Variants in SH3KBP1 observed in about 807,000 individuals in gnomAD.
SH3KBP1 encodes the protein SH3 domain-containing kinase-binding protein 1.
SH3KBP1 carries 8 observed loss-of-function variants against 50.1 expected under a neutral mutation model. The ratio of observed to expected loss-of-function variants is 0.16; its 90% confidence interval spans 0.09 to 0.29. The LOEUF is 0.29. SH3KBP1 is among the 10% of genes least tolerant of loss of function. SH3KBP1 has a pLI of 1.00. For synonymous variants in SH3KBP1, 227 were observed against 218.6 expected, an observed-to-expected ratio of 1.04 and a Z score of -0.34; for missense variants, 377 against 535.2, an observed-to-expected ratio of 0.70 and a Z score of 2.92.
chrX:19,629,235 T>G (rs962599680), intron 8 of SH3KBP1, among the ~76,000 whole-genome samples: 7 of 107,907 alleles, frequency 6.5e-5, no homozygotes, highest in Non-Finnish European at 1.2e-4. Flanking sequence ...ATACGGGGGG[T>G]ACCTGCAGAA....
chrX:19,729,652 G>A (rs1304706242), intron 3 of SH3KBP1, among the ~76,000 whole-genome samples: 2 of 111,695 alleles, frequency 1.8e-5, no homozygotes, highest in South Asian at 7.5e-4. Flanking sequence ...AAGAGCTAAT[G>A]ACACACACTT....
At chrX:19,859,217 C>T (rs903105242) in intron 1 of SH3KBP1, among the ~76,000 whole-genome samples, 2 of 110,050 alleles carry the variant, frequency 1.8e-5, no homozygotes, top group Non-Finnish European at 3.8e-5. Context: ...GGTGCAATCT[C>T]GGCTCACTGC....
intron 3 of SH3KBP1, among the ~76,000 whole-genome samples, chrX:19,721,863 A>G (rs1014104477): frequency 4.5e-5 from 5 of 110,773 alleles, no homozygotes; most frequent in African/African-American, 1.6e-4. Flanking sequence ...TTAACAGAGC[A>G]TGGTGATGTG....
At chrX:19,658,322 C>T (rs1191515508) in intron 6 of SH3KBP1, among the ~76,000 whole-genome samples, 1 of 111,614 alleles carries the variant, frequency 9.0e-6, no homozygotes, top group Non-Finnish European at 1.9e-5. Context: ...TGAAACACTC[C>T]TTCTACGGCT....
intron 2 of SH3KBP1, among the ~76,000 whole-genome samples, chrX:19,782,370 A>C (rs759025531): frequency 7.3e-4 from 81 of 111,229 alleles, no homozygotes; most frequent in Admixed American, 2.9e-3. Flanking sequence ...AGAGAGAATA[A>C]ATTTCTGTTG....
At chrX:19,880,364 C>CATAT (rs1272005880) in intron 1 of SH3KBP1, among the ~76,000 whole-genome samples, 1 of 112,373 alleles carries the variant, frequency 8.9e-6, no homozygotes, top group Non-Finnish European at 1.9e-5. Flanking sequence ...CATTCATTAA[C>CATAT]ATATGGCACT....
At chrX:19,872,270 AAAAGAAAG>A (rs748207841) in intron 1 of SH3KBP1, among the ~76,000 whole-genome samples, 29 of 83,729 alleles carry the variant, frequency 3.5e-4, no homozygotes, top group African/African-American at 1.3e-3. Context: ...AAAAAAAAAA[AAAAGAAAG>A]AAAGAAAGAA....
intron 14 of SH3KBP1, among the ~76,000 whole-genome samples, chrX:19,547,454 G>A (rs946241823): frequency 4.5e-4 from 50 of 111,842 alleles, no homozygotes; most frequent in African/African-American, 1.6e-3. Flanking sequence ...ACTTAAGGCA[G>A]AAACCTAATG....
intron 3 of SH3KBP1, among the ~76,000 whole-genome samples, chrX:19,718,574 T>C (rs1179627882): frequency 8.9e-6 from 1 of 112,462 alleles, no homozygotes; most frequent in Non-Finnish European, 1.9e-5. Context: ...TTTAAAAACA[T>C]CACAGTCACC....
intron 3 of SH3KBP1, among the ~76,000 whole-genome samples, chrX:19,709,296 C>T (rs771695381): frequency 2.0e-4 from 22 of 111,832 alleles, no homozygotes; most frequent in Non-Finnish European, 3.2e-4. Context: ...GGGAGGGACC[C>T]AGAGGTGGCT....
rs1365693276 is a variant in SH3KBP1 at position 19,588,722 on chromosome X, T to C, written c.1219A>G (p.Lys407Glu). 1 of 1,201,332 alleles carries C rather than the reference T, an allele frequency of 8.3e-7. No individual in the cohort carries two copies. The highest frequency in any genetic ancestry group is 1.1e-6 in the Non-Finnish European group (1 of 891,494). Residue 407 changes from lysine to glutamate, a missense_variant, in exon 12 of 18, where the codon AAG (lysine) becomes GAG (glutamate). This residue lies in a region of SH3KBP1 where 257 missense variants were observed against 374.2 expected (regional missense o/e 0.69). Transcript: ENST00000397821. Reference sequence around the variant, plus strand: ...CCAGGTCTGCTGAGAGAATTGGTCTTAGGTGGCCGAGGCTTTTTTGGCGGT... The same window carrying C: ...CCAGGTCTGCTGAGAGAATTGGTCTCAGGTGGCCGAGGCTTTTTTGGCGGT... Reference protein sequence around the residue: ...AIPPKKPRPPKTNSLSRPGAL... With the variant: ...AIPPKKPRPPETNSLSRPGAL...
At chrX:19,543,194 G>C (rs766728822) in intron 15 of SH3KBP1, among the ~76,000 whole-genome samples, 111 of 111,763 alleles carry the variant, frequency 9.9e-4, no homozygotes, top group Middle Eastern at 4.7e-3. Context: ...CTTGTGAGCA[G>C]GGAGATGTGG....
chrX:19,702,679 C>T (rs370418039), intron 4 of SH3KBP1, among the ~76,000 whole-genome samples: 248 of 110,177 alleles, frequency 2.3e-3, no homozygotes, highest in African/African-American at 7.6e-3. Context: ...AAAAACAAAA[C>T]GAAACAACAA....
intron 3 of SH3KBP1, among the ~76,000 whole-genome samples, chrX:19,714,436 G>A (rs967033900): frequency 7.2e-5 from 8 of 110,883 alleles, no homozygotes; most frequent in South Asian, 3.8e-4. Context: ...CTGCATTCCC[G>A]TATCAAAATA....
chrX:19,574,171 C>G (rs926548766), intron 12 of SH3KBP1, among the ~76,000 whole-genome samples: 1 of 111,140 alleles, frequency 9.0e-6, no homozygotes, highest in Non-Finnish European at 1.9e-5. Context: ...TTTTAGCACT[C>G]AGAGATCCAT....
intron 12 of SH3KBP1, among the ~76,000 whole-genome samples, chrX:19,581,454 T>C (rs767323321): frequency 5.3e-5 from 6 of 112,260 alleles, no homozygotes; most frequent in Admixed American, 9.5e-5. Flanking sequence ...TTAGGGAACA[T>C]TGCACACACT....
intron 12 of SH3KBP1, among the ~76,000 whole-genome samples, chrX:19,576,602 G>A (rs954264011): frequency 9.0e-6 from 1 of 111,381 alleles, no homozygotes; most frequent in Admixed American, 9.5e-5. Flanking sequence ...ACCATGCATG[G>A]CTAATTTAAA....
intron 13 of SH3KBP1, among the ~76,000 whole-genome samples, chrX:19,554,218 A>ATCATATTAAAATATAT (rs1443068728): frequency 0.014 from 1,074 of 78,256 alleles, 23 homozygotes; most frequent in African/African-American, 0.056. Flanking sequence ...ATATAATATT[A>ATCATATTAAAATATAT]TATATCATAT....
At chrX:19,881,206 T>C (rs2069423217) in intron 1 of SH3KBP1, among the ~76,000 whole-genome samples, 1 of 111,913 alleles carries the variant, frequency 8.9e-6, no homozygotes, top group Admixed American at 9.5e-5. Flanking sequence ...GCTGCCGAGC[T>C]TCACGAAGGC....
Sources: gnomAD v4.1 joint callset for allele counts (sites outside exome capture counted in the v4.1 genomes callset) on GRCh38, gnomAD v4.1.1 for gene constraint, gnomAD v4.1.1 regional missense constraint, MANE v1.5 for transcripts, NCBI Gene and HGNC (gene_info 2026-07-23, HGNC 2026-07-21) for gene names.